The following PRKCE variants were observed in gnomAD, a reference collection of about 807,000 sequenced individuals.
PRKCE encodes protein kinase C epsilon.
A neutral mutation model predicts 85.4 loss-of-function variants in PRKCE; 16 were observed. The ratio of observed to expected loss-of-function variants is 0.19; its 90% CI spans 0.13 to 0.28. PRKCE has a LOEUF of 0.28. PRKCE is among the 10% of genes least tolerant of loss of function. The pLI, the probability that PRKCE is intolerant of heterozygous loss-of-function variation, is 1.00. For synonymous variants in PRKCE, 388 were observed against 371.5 expected (o/e 1.04, Z -0.51); for missense variants, 573 against 975.2 (o/e 0.59, Z 5.49).
At chr2:45,876,108 C>T (rs1047923830) in intron 2 of PRKCE, among the ~76,000 whole-genome samples, 2 of 152,146 alleles carry the variant, frequency 1.3e-5, no homozygotes, top group Non-Finnish European at 2.9e-5. Flanking sequence ...TTACTGAGTA[C>T]CTGTATTTAA....
At chr2:45,841,053 CAGTG>C (rs1326248862) in intron 1 of PRKCE, among the ~76,000 whole-genome samples, 1 of 152,144 alleles carries the variant, frequency 6.6e-6, no homozygotes, top group Non-Finnish European at 1.5e-5. Flanking sequence ...TCCTAAGAGA[CAGTG>C]AGCTACGAAC....
chr2:45,723,093 T>C (rs1340976483), intron 1 of PRKCE, among the ~76,000 whole-genome samples: 1 of 152,222 alleles, frequency 6.6e-6, no homozygotes, highest in East Asian at 1.9e-4. Context: ...AGAATGAGAC[T>C]GTCTCAAAAC....
At chr2:45,991,598 A>G (rs1703803319) in intron 6 of PRKCE, among the ~76,000 whole-genome samples, 1 of 152,106 alleles carries the variant, frequency 6.6e-6, no homozygotes, top group Non-Finnish European at 1.5e-5. Context: ...CTCTTGATGG[A>G]TGTTTACTGG....
At position 46,186,667 on chromosome 2, in the gene PRKCE, A is replaced by G. The variant is rs910354303; in HGVS notation, c.*1786A>G. 4 of 152,630 alleles carry G rather than the reference A, an allele frequency of 2.6e-5. No individual in the cohort carries two copies. The highest frequency in any genetic ancestry group is 9.7e-5 in the African/African-American group (4 of 41,436). 9.5% of individuals were successfully genotyped at this position (152,630 alleles called of 1,614,324 possible). A position where few individuals can be genotyped will look rare whatever the true frequency, so the allele number is the denominator to read the frequency against. Reference sequence around the variant, plus strand: ...TATATTAAGCTATATTAAATCTCACATACAGTTCTTCTGTGCTCTATTATA... The same window carrying G: ...TATATTAAGCTATATTAAATCTCACGTACAGTTCTTCTGTGCTCTATTATA... On this transcript the variant is annotated 3_prime_UTR_variant, in exon 15 of 15. Coordinates refer to ENST00000306156, the MANE Select transcript of PRKCE (RefSeq NM_005400.3).
intron 11 of PRKCE, among the ~76,000 whole-genome samples, chr2:46,117,110 C>T (rs1672851250): frequency 6.6e-6 from 1 of 152,190 alleles, no homozygotes; most frequent in South Asian, 2.1e-4. Context: ...TGCCACTGAG[C>T]TCTTCCCAAA....
intron 2 of PRKCE, among the ~76,000 whole-genome samples, chr2:45,862,853 A>G (rs889803857): frequency 1.6e-4 from 24 of 152,230 alleles, no homozygotes; most frequent in African/African-American, 5.5e-4. Flanking sequence ...GGGTGCCCCT[A>G]GGCTCAAAGC....
chr2:46,144,971 A>G, intron 11 of PRKCE, 122 bp from the exon 12 acceptor site: 1 of 1,429,744 alleles, frequency 7.0e-7, no homozygotes, highest in Middle Eastern at 1.8e-4. Context: ...TTCAAGAAAC[A>G]CAAGCTTCTT....
rs1288534874 is a variant in PRKCE, at chr2:45,782,643, G to T, written c.349-60357G>T. On this transcript the variant is annotated intron_variant, in intron 1 of 14. Coordinates refer to ENST00000306156, the MANE Select transcript of PRKCE (RefSeq NM_005400.3). The stretch of plus-strand genomic sequence containing the variant: ...ACCCTTGTGTTTGACCCTCAGATTT[G>T]GGAAAGATGGTTGTTTTTTATGAAC... 2.0e-5 allele frequency among the ~76,000 whole-genome samples: 3 copies of T among 152,020 alleles called. No homozygotes were observed. The South Asian group carries it at 6.2e-4, about 32-fold the overall frequency.
chr2:46,089,613 G>C (rs1279471775), intron 11 of PRKCE, among the ~76,000 whole-genome samples: 1 of 152,256 alleles, frequency 6.6e-6, no homozygotes, highest in East Asian at 1.9e-4. Flanking sequence ...CGGGGCTGCT[G>C]TGCATAGCTT....
At chr2:45,827,117 A>C (rs919559866) in intron 1 of PRKCE, among the ~76,000 whole-genome samples, 4 of 152,088 alleles carry the variant, frequency 2.6e-5, no homozygotes, top group Admixed American at 6.5e-5. Context: ...CTCATCTCCA[A>C]CTGCCCTCCA....
At chr2:45,885,058 C>T (rs1695196078) in intron 2 of PRKCE, among the ~76,000 whole-genome samples, 1 of 140,192 alleles carries the variant, frequency 7.1e-6, no homozygotes, top group Non-Finnish European at 1.5e-5. Context: ...AGGTAGTTTT[C>T]AGTATTTTGA....
chr2:45,733,987 C>G (rs146568405), intron 1 of PRKCE, among the ~76,000 whole-genome samples: 1 of 152,200 alleles, frequency 6.6e-6, no homozygotes, highest in African/African-American at 2.4e-5. Flanking sequence ...CCATCTCACA[C>G]TTTTTATATC....
intron 10 of PRKCE, chr2:46,078,056 A>G (rs1287969667): frequency 6.6e-6 from 1 of 152,202 alleles, no homozygotes; most frequent in Non-Finnish European, 1.5e-5. Flanking sequence ...TCTACCAAGG[A>G]AGTGTAGTAG....
intron 1 of PRKCE, among the ~76,000 whole-genome samples, chr2:45,752,872 T>G (rs1442752957): frequency 2.0e-5 from 3 of 152,116 alleles, no homozygotes; most frequent in Non-Finnish European, 4.4e-5. Context: ...TATAAGTTTT[T>G]TACGACCCAT....
intron 2 of PRKCE, among the ~76,000 whole-genome samples, chr2:45,877,110 T>A (rs1029591159): frequency 1.3e-5 from 2 of 152,202 alleles, no homozygotes; most frequent in African/African-American, 2.4e-5. Flanking sequence ...TGTTTGTTGC[T>A]AGTATAGGAT....
At chr2:45,844,499 C>T (rs192489671) in intron 2 of PRKCE, among the ~76,000 whole-genome samples, 5 of 152,282 alleles carry the variant, frequency 3.3e-5, no homozygotes, top group East Asian at 3.9e-4. Context: ...GTGTGCCCAC[C>T]GCCCCAATTA....
intron 2 of PRKCE, among the ~76,000 whole-genome samples, chr2:45,864,107 C>T (rs913591220): frequency 6.6e-6 from 1 of 152,158 alleles, no homozygotes; most frequent in Non-Finnish European, 1.5e-5. Flanking sequence ...GAGAGAATGC[C>T]AGGATTCAGC....
intron 5 of PRKCE, among the ~76,000 whole-genome samples, chr2:45,983,782 C>A (rs897468365): frequency 1.3e-5 from 2 of 152,064 alleles, no homozygotes; most frequent in Non-Finnish European, 2.9e-5. Context: ...AGCCATCTTC[C>A]TCCTAATTGT....
At chr2:45,739,002 G>T (rs1398167827) in intron 1 of PRKCE, among the ~76,000 whole-genome samples, 3 of 152,232 alleles carry the variant, frequency 2.0e-5, no homozygotes, top group Non-Finnish European at 4.4e-5. Context: ...AGCAAAGTGG[G>T]ATGACAGTGC....
Sources: allele counts gnomAD v4.1 joint callset (sites outside exome capture counted in the v4.1 genomes callset), GRCh38; gene constraint gnomAD v4.1.1; transcripts MANE v1.5; gene names NCBI Gene and HGNC (gene_info 2026-07-23, HGNC 2026-07-21).